The following ANO4 variants were observed in gnomAD, a reference collection of about 807,000 sequenced individuals.
ANO4 encodes anoctamin-4.
A neutral mutation model predicts 141.9 loss-of-function variants in ANO4; 69 were observed. The ratio of observed to expected loss-of-function variants is 0.49; its 90% CI spans 0.40 to 0.59. The LOEUF (loss-of-function observed/expected upper bound fraction) is 0.59. ANO4 is among the 20% of genes least tolerant of loss of function. The pLI, the probability that ANO4 is intolerant of heterozygous loss-of-function variation, is 0.00. For synonymous variants in ANO4, 350 were observed against 394.3 expected (o/e 0.89, Z 1.33); for missense variants, 894 against 1,162.2 (o/e 0.77, Z 3.36).
intron 3 of ANO4, among the ~76,000 whole-genome samples, chr12:100,933,795 A>C (rs1453117204): frequency 2.0e-5 from 3 of 152,324 alleles, no homozygotes; most frequent in Non-Finnish European, 2.9e-5. Flanking sequence ...CTGCCATTCT[A>C]ACTGGCGTGA....
At chr12:100,840,440 CACTTTACGGTTGGGGAA>C (rs2037181203) in intron 1 of ANO4, among the ~76,000 whole-genome samples, 1 of 152,092 alleles carries the variant, frequency 6.6e-6, no homozygotes. Context: ...GGCATTGTGC[CACTTTACGGTTGGGGAA>C]ACTGAGACAC....
chr12:100,934,310 A>G lies in ANO4; in HGVS notation c.161-5005A>G, dbSNP rs754073004. Among the ~76,000 whole-genome samples the G allele has an allele frequency of 3.3e-5, 5 of 152,176 alleles. No individual in the cohort carries two copies. The South Asian group carries it at 8.3e-4, about 25-fold the overall frequency. Reference sequence around the variant, plus strand: ...GGAAGGGATCCAGTTTCAGCTTTCTACATATGACTAGCCAGTTTTCCCAGC... The same window carrying G: ...GGAAGGGATCCAGTTTCAGCTTTCTGCATATGACTAGCCAGTTTTCCCAGC... On this transcript the variant is annotated intron_variant, in intron 3 of 27. Transcript: ENST00000392977.
At chr12:100,861,231 A>G (rs772659518) in intron 1 of ANO4, among the ~76,000 whole-genome samples, 20 of 152,166 alleles carry the variant, frequency 1.3e-4, no homozygotes, top group Non-Finnish European at 2.2e-4. Context: ...CTTGTAAGAC[A>G]GGAAAGTTCT....
chr12:100,951,720 T>G (rs1751430182), intron 5 of ANO4, among the ~76,000 whole-genome samples: 1 of 152,240 alleles, frequency 6.6e-6, no homozygotes, highest in South Asian at 2.1e-4. Flanking sequence ...ATTACAGTGC[T>G]TAGCTTGTGG....
intron 5 of ANO4, among the ~76,000 whole-genome samples, chr12:100,968,678 C>A: frequency 6.7e-6 from 1 of 150,144 alleles, no homozygotes; most frequent in Admixed American, 6.6e-5. Flanking sequence ...GAAATACAGT[C>A]TTTCTTCTGC....
intron 3 of ANO4, among the ~76,000 whole-genome samples, chr12:100,780,143 C>T (rs2033669364): frequency 1.3e-5 from 2 of 151,880 alleles, no homozygotes; most frequent in Admixed American, 1.3e-4. Flanking sequence ...CTTGCCTTAG[C>T]CTCCCCCGAG....
At chr12:101,030,754 A>T (rs922986318) in intron 9 of ANO4, among the ~76,000 whole-genome samples, 7 of 152,182 alleles carry the variant, frequency 4.6e-5, no homozygotes, top group African/African-American at 1.7e-4. Context: ...TCCCATAAAA[A>T]ATGATAAAGG....
In ANO4 at chr12:101,000,360, T is replaced by G. The variant is rs1169234580; in HGVS notation, c.734+12690T>G. Among the ~76,000 whole-genome samples, 3 of 152,244 alleles carry G rather than the reference T, an allele frequency of 2.0e-5. No homozygotes were observed. In the South Asian group the frequency reaches 6.2e-4, roughly 31 times the overall value. ...AACATATGACTACTTGCTTTTAAAC[T>G]CTCAGCATAGATATCGGAAGATAGT... On this transcript the variant is annotated intron_variant, in intron 8 of 27. Transcript: ENST00000392977.
chr12:100,811,798 G>A (rs73147649), intron 1 of ANO4, among the ~76,000 whole-genome samples: 7,856 of 152,230 alleles, frequency 0.052, 216 homozygotes, highest in Non-Finnish European at 0.067. Flanking sequence ...GTCGTCATGA[G>A]TCACAAAGTT....
At chr12:100,829,089 TAG>T (rs2036508267) in intron 1 of ANO4, among the ~76,000 whole-genome samples, 1 of 152,090 alleles carries the variant, frequency 6.6e-6, no homozygotes, top group Non-Finnish European at 1.5e-5. Context: ...GCTCTGCTGT[TAG>T]AGATTCATGT....
intron 1 of ANO4, among the ~76,000 whole-genome samples, chr12:100,802,254 A>G (rs1292283950): frequency 1.3e-5 from 2 of 152,228 alleles, no homozygotes; most frequent in Admixed American, 6.5e-5. Context: ...CAAGGAATAC[A>G]GTTGTTTTAT....
chr12:100,959,091 C>T (rs950278156), intron 5 of ANO4, among the ~76,000 whole-genome samples: 4 of 150,102 alleles, frequency 2.7e-5, no homozygotes, highest in Non-Finnish European at 5.9e-5. Flanking sequence ...TCTCTGCACC[C>T]TCATCCCTCT....
chr12:101,104,593 ATGTG>A lies in ANO4; in HGVS notation c.2149+4893_2149+4896del, dbSNP rs745870723. Reference sequence around the variant, plus strand: ...ATTTCAGGCTTTTGATAATATATATATGTGTGTGTGTGTGTGTGTGTGTATGTAT... The same window carrying A: ...ATTTCAGGCTTTTGATAATATATATATGTGTGTGTGTGTGTGTGTATGTAT... On this transcript the variant is annotated intron_variant, in intron 22 of 27. Coordinates refer to ENST00000392977, the MANE Select transcript of ANO4 (RefSeq NM_001286615.2). Among the ~76,000 whole-genome samples, 714 of 94,374 alleles carry A rather than the reference ATGTG, an allele frequency of 7.6e-3. 2 individuals carry two copies. The highest frequency in any genetic ancestry group is 9.7e-3 in the Non-Finnish European group (486 of 50,278). 61.9% of individuals were successfully genotyped at this position (94,374 alleles called of 152,430 possible).
chr12:101,005,652 C>A (rs2045840022), intron 8 of ANO4, among the ~76,000 whole-genome samples: 1 of 152,106 alleles, frequency 6.6e-6, no homozygotes, highest in East Asian at 1.9e-4. Flanking sequence ...TGAAAATTAA[C>A]AACACAGTAT....
chr12:101,010,552 A>C (rs2046043343), intron 8 of ANO4, among the ~76,000 whole-genome samples: 1 of 152,206 alleles, frequency 6.6e-6, no homozygotes, highest in Non-Finnish European at 1.5e-5. Context: ...ATTGTGCTGC[A>C]GTTGCCTAAG....
chr12:100,833,644 G>A (rs1337302712), intron 1 of ANO4, among the ~76,000 whole-genome samples: 7 of 152,064 alleles, frequency 4.6e-5, no homozygotes, highest in Admixed American at 3.9e-4. Flanking sequence ...CTTTGATCTT[G>A]TCTCAAATCT....
At chr12:101,079,333 C>A (rs760523229) in intron 15 of ANO4, 58 bp downstream of exon 15, 11 of 1,283,754 alleles carry the variant, frequency 8.6e-6, no homozygotes, top group South Asian at 1.2e-5. Context: ...ACCACACGAC[C>A]CCCCCCCAAA....
chr12:100,821,104 A>G (rs1716391280), intron 1 of ANO4, among the ~76,000 whole-genome samples: 2 of 152,152 alleles, frequency 1.3e-5, no homozygotes, highest in South Asian at 4.1e-4. Flanking sequence ...TCACGAATTC[A>G]CCTGTTGATG....
rs1360920996 is a variant in ANO4 at position 101,047,373 on chromosome 12, G to A, written c.1252-968G>A. Among the ~76,000 whole-genome samples, 3 of 152,148 alleles carry A rather than the reference G, an allele frequency of 2.0e-5. No individual in the cohort carries two copies. The East Asian group carries it at 5.8e-4, about 29-fold the overall frequency. On this transcript the variant is annotated intron_variant, in intron 13 of 27. Transcript: ENST00000392977. ...CAATATACAGCTTAACATTCCCTCT[G>A]GCATATGAAATAGATTAGCTTCAGA...
Sources: gnomAD v4.1 joint callset for allele counts (sites outside exome capture counted in the v4.1 genomes callset) on GRCh38, gnomAD v4.1.1 for gene constraint, MANE v1.5 for transcripts, NCBI Gene and HGNC (gene_info 2026-07-23, HGNC 2026-07-21) for gene names.